The following TMIGD3 variants were observed in gnomAD, a reference collection of about 807,000 sequenced individuals.
TMIGD3 encodes the protein AD026 protein (AD026).
A neutral mutation model predicts 28.1 loss-of-function variants in TMIGD3; 21 were observed. The observed-to-expected ratio is 0.75, with a 90% CI of 0.53 to 1.08. TMIGD3 has a LOEUF of 1.08. Among genes scored for constraint, TMIGD3 ranks in the 50% least tolerant of loss-of-function variants. TMIGD3 has a pLI of 0.00. For missense variants in TMIGD3, 416 were observed against 435.6 expected (o/e 0.96, Z 0.40); for synonymous variants, 151 against 162.1 (o/e 0.93, Z 0.52).
chr1:111,523,574 A>C (rs1656150738), intron 1 of TMIGD3, among the ~76,000 whole-genome samples: 1 of 152,192 alleles, frequency 6.6e-6, no homozygotes. Flanking sequence ...TTTATGTGGA[A>C]ATGGTAATCT....
At chr1:111,527,451 A>G (rs1656306114) in intron 1 of TMIGD3, among the ~76,000 whole-genome samples, 1 of 152,208 alleles carries the variant, frequency 6.6e-6, no homozygotes, top group Non-Finnish European at 1.5e-5. Flanking sequence ...GCAATTATAA[A>G]TAAATCTGTT....
intron 1 of TMIGD3, among the ~76,000 whole-genome samples, chr1:111,533,193 C>A (rs1369393869): frequency 6.6e-6 from 1 of 152,120 alleles, no homozygotes; most frequent in Non-Finnish European, 1.5e-5. Context: ...GTGGAGGACA[C>A]AAGTTTTTTC....
intron 1 of TMIGD3, chr1:111,542,656 C>G (rs567854077): frequency 6.5e-6 from 1 of 152,764 alleles, no homozygotes; most frequent in South Asian, 2.1e-4. Flanking sequence ...TACATCCAGA[C>G]CAGTTCCTAG....
At chr1:111,540,602 C>T (rs1342783501) in intron 1 of TMIGD3, among the ~76,000 whole-genome samples, 2 of 152,210 alleles carry the variant, frequency 1.3e-5, no homozygotes, top group Non-Finnish European at 2.9e-5. Flanking sequence ...CATTTACATG[C>T]ATCTTCCCAC....
upstream of TMIGD3, among the ~76,000 whole-genome samples, chr1:111,504,339 A>G (rs1557826254): frequency 6.6e-6 from 1 of 152,226 alleles, no homozygotes; most frequent in Non-Finnish European, 1.5e-5. Context: ...AGGGAAAAGA[A>G]CGTGTGCAAC....
intron 1 of TMIGD3, among the ~76,000 whole-genome samples, chr1:111,534,016 TA>T (rs1656538524): frequency 6.6e-6 from 1 of 152,200 alleles, no homozygotes; most frequent in Non-Finnish European, 1.5e-5. Context: ...ATCCACTTCA[TA>T]GATTTGTTCT....
chr1:111,500,096 A>G (rs1328374273), intron 1 of TMIGD3: 1 of 1,614,226 alleles, frequency 6.2e-7, no homozygotes, highest in East Asian at 2.2e-5. Context: ...TTGGCATGGG[A>G]CAGCAGGATG....
In TMIGD3 at chr1:111,503,357, T is replaced by C. The variant is rs1405686571; in HGVS notation, c.-3A>G. ...AGAGCAGTGCTGTTGTTGGGCATCT[T>C]GCCTTCCCAGGGGAACCTCCACAGG... On this transcript the variant is annotated 5_prime_UTR_variant, in exon 1 of 6. Transcript: ENST00000369716. 4 of 1,605,204 alleles carry C rather than the reference T, an allele frequency of 2.5e-6. 1 individual carries two copies. Among genetic ancestry groups the C allele is most frequent in the Middle Eastern group, 3.3e-4 (2 of 6,036 alleles).
chr1:111,505,576 A>G (rs1317476400), upstream of TMIGD3, among the ~76,000 whole-genome samples: 1 of 152,174 alleles, frequency 6.6e-6, no homozygotes, highest in Non-Finnish European at 1.5e-5. Flanking sequence ...TTGGCCTGGA[A>G]CCTGACCGTA....
At chr1:111,483,889 G>A (rs1416243029) in intron 5 of TMIGD3, 132 bp from the exon 6 acceptor site, 10 of 692,018 alleles carry the variant, frequency 1.4e-5, no homozygotes, top group Non-Finnish European at 2.6e-5. Context: ...TATTTTCAGG[G>A]CTGAGATCAG....
intron 1 of TMIGD3, among the ~76,000 whole-genome samples, chr1:111,495,899 C>T (rs1654865967): frequency 6.6e-6 from 1 of 152,096 alleles, no homozygotes; most frequent in Non-Finnish European, 1.5e-5. Context: ...TAAACTAATG[C>T]AGTAACAAAA....
At chr1:111,536,598 T>G (rs1203430104) in intron 1 of TMIGD3, among the ~76,000 whole-genome samples, 1 of 152,176 alleles carries the variant, frequency 6.6e-6, no homozygotes, top group Non-Finnish European at 1.5e-5. Flanking sequence ...ATCCATTTCA[T>G]CGCTCATACC....
chr1:111,547,204 A>T (rs904856506), intron 1 of TMIGD3, among the ~76,000 whole-genome samples: 4 of 152,124 alleles, frequency 2.6e-5, no homozygotes, highest in Non-Finnish European at 5.9e-5. Context: ...ACCTTTCACC[A>T]TTAAGTATAA....
upstream of TMIGD3, among the ~76,000 whole-genome samples, chr1:111,508,085 G>C (rs1240955460): frequency 6.6e-6 from 1 of 152,222 alleles, no homozygotes; most frequent in Admixed American, 6.5e-5. Flanking sequence ...TGGTGGGAGG[G>C]AGGGTGAGGC....
chr1:111,560,741 C>T (rs182394166), intron 1 of TMIGD3, among the ~76,000 whole-genome samples: 60 of 152,276 alleles, frequency 3.9e-4, no homozygotes, highest in African/African-American at 1.1e-3. Flanking sequence ...ATGCTCCAGC[C>T]GCAGCCTCCA....
chr1:111,488,828 G>C lies in TMIGD3; in HGVS notation c.654C>G (p.Leu218=). 2 of 1,614,248 alleles carry C rather than the reference G, an allele frequency of 1.2e-6. No individual in the cohort carries two copies. Among genetic ancestry groups the C allele is most frequent in the Non-Finnish European group, 1.7e-6 (2 of 1,180,046 alleles). The change falls in exon 3 of 6, where the codon CTC becomes CTG. Residue 218 remains leucine (L), a synonymous_variant. Coordinates refer to ENST00000369716, the MANE Select transcript of TMIGD3 (RefSeq NM_020683.7). ...TGGTCAGGCAGGACATAGTGACAAT[G>C]AGCTGGTTCCCTGTGTCCCTCAGGG... The part of the protein sequence containing the change: ...HVALRDTGNQ[L]IVTMSCLTKE...
intron 3 of TMIGD3, among the ~76,000 whole-genome samples, chr1:111,487,990 G>C (rs1332449815): frequency 6.6e-6 from 1 of 151,766 alleles, no homozygotes; most frequent in Non-Finnish European, 1.5e-5. Flanking sequence ...TTTTTTGTAG[G>C]GATGGGCTTT....
intron 1 of TMIGD3, among the ~76,000 whole-genome samples, chr1:111,533,575 G>A (rs987452076): frequency 6.6e-6 from 1 of 151,810 alleles, no homozygotes; most frequent in Non-Finnish European, 1.5e-5. Flanking sequence ...TATTTTTGAG[G>A]CAGGGTCTCA....
intron 1 of TMIGD3, among the ~76,000 whole-genome samples, chr1:111,538,689 G>A (rs904964472): frequency 6.6e-6 from 1 of 152,178 alleles, no homozygotes; most frequent in Non-Finnish European, 1.5e-5. Context: ...TCAAGAATTC[G>A]AGAATTGAAG....
Sources: allele counts gnomAD v4.1 joint callset (sites outside exome capture counted in the v4.1 genomes callset), GRCh38; gene constraint gnomAD v4.1.1; transcripts MANE v1.5; gene names NCBI Gene and HGNC (gene_info 2026-07-23, HGNC 2026-07-21).